Variants in ADAMTSL1 observed in about 807,000 individuals in gnomAD.
ADAMTSL1 encodes the protein ADAMTS-like protein 1.
Under a neutral mutation model 201.8 loss-of-function variants are expected in ADAMTSL1, and 126 were observed. The observed-to-expected ratio is 0.62, with a 90% CI of 0.54 to 0.72. The LOEUF (loss-of-function observed/expected upper bound fraction) is 0.72. ADAMTSL1 is among the 30% of genes least tolerant of loss of function. The pLI is 0.00. For synonymous variants in ADAMTSL1, 1,121 were observed against 903.4 expected (o/e 1.24, Z -4.32); for missense variants, 2,679 against 2,277.8 (o/e 1.18, Z -3.59).
intron 15 of ADAMTSL1, among the ~76,000 whole-genome samples, chr9:18,747,471 A>T (rs901118664): frequency 6.6e-6 from 1 of 152,100 alleles, no homozygotes. Flanking sequence ...TGTCCATGTC[A>T]TGGTGGACTT....
intron 2 of ADAMTSL1, among the ~76,000 whole-genome samples, chr9:18,458,174 G>C (rs1013383819): frequency 2.6e-5 from 4 of 152,126 alleles, no homozygotes; most frequent in Non-Finnish European, 5.9e-5. Context: ...GACCTTGAAA[G>C]GCTGTTTTCA....
intron 20 of ADAMTSL1, among the ~76,000 whole-genome samples, chr9:18,803,098 A>C (rs577200492): frequency 2.0e-5 from 3 of 152,356 alleles, no homozygotes; most frequent in South Asian, 4.1e-4. Flanking sequence ...TTAGAGACTT[A>C]AAGCAATACA....
intron 26 of ADAMTSL1, among the ~76,000 whole-genome samples, chr9:18,893,618 G>C (rs1042293286): frequency 6.6e-5 from 10 of 152,232 alleles, no homozygotes; most frequent in Admixed American, 2.6e-4. Flanking sequence ...TAGTCCAAGG[G>C]CTACGCTTGA....
At chr9:18,397,767 T>C (rs1817812826) in intron 2 of ADAMTSL1, among the ~76,000 whole-genome samples, 1 of 152,294 alleles carries the variant, frequency 6.6e-6, no homozygotes, top group Admixed American at 6.5e-5. Context: ...TGTTCAAAAG[T>C]TAGTGTTTGT....
At chr9:17,918,620 C>G (rs1469535256) in intron 1 of ADAMTSL1, among the ~76,000 whole-genome samples, 1 of 151,614 alleles carries the variant, frequency 6.6e-6, no homozygotes, top group Non-Finnish European at 1.5e-5. Flanking sequence ...AAATTTGTGC[C>G]TCTATTTTTT....
chr9:18,648,369 C>A (rs12683814), intron 7 of ADAMTSL1, among the ~76,000 whole-genome samples: 52,716 of 149,896 alleles, frequency 0.35, 9,973 homozygotes, highest in East Asian at 0.75. Flanking sequence ...TTTTAATTGG[C>A]GCATTTAGTC....
In ADAMTSL1 at chr9:18,382,655, A is replaced by G. The variant is rs146480850; in HGVS notation, c.208-122174A>G. On this transcript the variant is annotated intron_variant, in intron 2 of 29. Transcript: ENST00000680146. ...CCAGAGCCTGTTTAGAGGTATGTTA[A>G]TGGCAGGAAGGAGACCAGGGCTTCA... 4.9e-4 allele frequency among the ~76,000 whole-genome samples: 74 copies of G among 152,200 alleles called. No individual in the cohort carries two copies. In the Middle Eastern group the frequency reaches 0.014, roughly 28 times the overall value.
chr9:18,076,971 G>T (rs1563985664), intron 1 of ADAMTSL1, among the ~76,000 whole-genome samples: 1 of 152,086 alleles, frequency 6.6e-6, no homozygotes, highest in Admixed American at 6.6e-5. Flanking sequence ...CTGTTAGATG[G>T]CTACGGAAGA....
chr9:18,209,213 A>C (rs1201877579), intron 2 of ADAMTSL1, among the ~76,000 whole-genome samples: 2 of 149,656 alleles, frequency 1.3e-5, no homozygotes, highest in South Asian at 4.2e-4. Context: ...GTTGAAAAAA[A>C]TGTTTGAGAC....
chr9:17,981,983 A>G (rs918073227), intron 1 of ADAMTSL1, among the ~76,000 whole-genome samples: 1 of 152,214 alleles, frequency 6.6e-6, no homozygotes, highest in Non-Finnish European at 1.5e-5. Context: ...AGGTATTGAT[A>G]AATGCCTTTG....
chr9:18,792,498 C>A (rs1445753125), intron 19 of ADAMTSL1, among the ~76,000 whole-genome samples: 1 of 152,178 alleles, frequency 6.6e-6, no homozygotes, highest in Non-Finnish European at 1.5e-5. Context: ...TTTCCAGTGC[C>A]AGGGAGCCAG....
At chr9:17,913,212 G>C (rs574081254) in intron 1 of ADAMTSL1, among the ~76,000 whole-genome samples, 1 of 152,250 alleles carries the variant, frequency 6.6e-6, no homozygotes, top group South Asian at 2.1e-4. Context: ...CTTTAAAGTA[G>C]TTTTTTCCAA....
intron 9 of ADAMTSL1, among the ~76,000 whole-genome samples, chr9:18,672,945 G>T (rs530523072): frequency 6.6e-6 from 1 of 152,132 alleles, no homozygotes; most frequent in South Asian, 2.1e-4. Context: ...TCATGTTACT[G>T]CCCAGTGTAA....
chr9:18,464,822 A>G (rs1820939710), intron 2 of ADAMTSL1, among the ~76,000 whole-genome samples: 1 of 152,204 alleles, frequency 6.6e-6, no homozygotes, highest in Non-Finnish European at 1.5e-5. Flanking sequence ...TGGAGTGGGA[A>G]AATAAAAATC....
At chr9:18,199,731 A>G (rs1407917402) in intron 2 of ADAMTSL1, among the ~76,000 whole-genome samples, 2 of 152,098 alleles carry the variant, frequency 1.3e-5, no homozygotes, top group Non-Finnish European at 2.9e-5. Flanking sequence ...TTTAGCACAT[A>G]GAGATATATG....
chr9:18,125,482 A>G (rs7864916), intron 1 of ADAMTSL1, among the ~76,000 whole-genome samples: 109,998 of 151,672 alleles, frequency 0.73, 40,782 homozygotes, highest in South Asian at 0.84. Context: ...TTGCTGTCAT[A>G]TCTAACAAAC....
upstream of ADAMTSL1, among the ~76,000 whole-genome samples, chr9:18,472,792 C>T (rs1351877995): frequency 6.6e-6 from 1 of 152,164 alleles, no homozygotes; most frequent in Non-Finnish European, 1.5e-5. Context: ...TCTGGGCTAT[C>T]AGGAGATCTG....
intron 15 of ADAMTSL1, among the ~76,000 whole-genome samples, chr9:18,729,406 A>G (rs1818082740): frequency 6.6e-6 from 1 of 152,234 alleles, no homozygotes; most frequent in South Asian, 2.1e-4. Flanking sequence ...TTAACTATAA[A>G]GAGCCACGAG....
At chr9:18,899,347 A>G (rs1429090573) in intron 26 of ADAMTSL1, among the ~76,000 whole-genome samples, 1 of 152,230 alleles carries the variant, frequency 6.6e-6, no homozygotes, top group African/African-American at 2.4e-5. Flanking sequence ...AGGAAAAATC[A>G]GTATCATGAA....
Sources: allele counts gnomAD v4.1 joint callset (sites outside exome capture counted in the v4.1 genomes callset), GRCh38; gene constraint gnomAD v4.1.1; transcripts MANE v1.5; gene names NCBI Gene and HGNC (gene_info 2026-07-23, HGNC 2026-07-21).